The following TMEM201 variants were observed in gnomAD, a reference collection of about 807,000 sequenced individuals.
TMEM201 encodes transmembrane protein 201.
A neutral mutation model predicts 63.4 loss-of-function variants in TMEM201; 26 were observed. That is an observed-to-expected ratio of 0.41 (90% CI 0.30 to 0.57). The LOEUF is 0.57. Ranked by LOEUF, TMEM201 falls within the 20% of genes least tolerant of loss-of-function variation. The probability of loss-of-function intolerance (pLI) is 0.29; values close to 1 mark genes in which losing one functional copy is unlikely to be tolerated. For missense variants in TMEM201, 794 were observed against 917.7 expected, an observed-to-expected ratio of 0.87 and a Z score of 1.74; for synonymous variants, 417 against 421.6, an observed-to-expected ratio of 0.99 and a Z score of 0.14.
chr1:9,609,125 C>T (rs1325333909), intron 7 of TMEM201, among the ~76,000 whole-genome samples: 1 of 152,204 alleles, frequency 6.6e-6, no homozygotes, highest in Non-Finnish European at 1.5e-5. Context: ...GACGGCCTCT[C>T]CCAGCATCCA....
At chr1:9,593,222 C>T (rs1369679416) in intron 1 of TMEM201, among the ~76,000 whole-genome samples, 2 of 152,246 alleles carry the variant, frequency 1.3e-5, no homozygotes, top group African/African-American at 2.4e-5. Flanking sequence ...CCCCCACCTG[C>T]GTGGGGACCT....
In TMEM201 at chr1:9,589,019, T is replaced by C; in HGVS notation, c.89T>C (p.Val30Ala). 2 of 1,163,824 alleles carry C rather than the reference T, an allele frequency of 1.7e-6. No homozygotes were observed. Among genetic ancestry groups the C allele is most frequent in the South Asian group, 2.4e-5 (1 of 42,076 alleles). 72.1% of individuals were successfully genotyped at this position (1,163,824 alleles called of 1,614,324 possible). The change falls in exon 1 of 11, where the codon GTG becomes GCG. Residue 30 changes from valine (V) to alanine (A), a missense_variant. Physicochemically the swap from Val to Ala is moderately conservative, Grantham distance 64. Coordinates refer to ENST00000340381, the MANE Select transcript of TMEM201 (RefSeq NM_001130924.3). ...GTCACGGCGTGCGCCGCGGCCGGCG[T>C]GTTGCTCTACCGGATCGCGCGGAGG... is the stretch of plus-strand genomic sequence containing the variant. The part of the protein sequence containing the change: ...LGVTACAAAG[V>A]LLYRIARRMK...
intron 3 of TMEM201, 141 bp from the exon 4 acceptor site, chr1:9,598,308 G>A (rs1410934621): frequency 5.4e-6 from 5 of 931,202 alleles, no homozygotes; most frequent in Non-Finnish European, 8.2e-6. Context: ...CAGAGGGGAA[G>A]CAGGTTCAAA....
chr1:9,606,185 G>A (rs1412990572), intron 6 of TMEM201: 2 of 152,146 alleles, frequency 1.3e-5, no homozygotes, highest in African/African-American at 4.8e-5. Context: ...TCTGTGTAGA[G>A]GTGGAGCCTT....
intron 1 of TMEM201, among the ~76,000 whole-genome samples, chr1:9,595,107 G>T (rs1569914827): frequency 6.6e-6 from 1 of 152,212 alleles, no homozygotes; most frequent in Non-Finnish European, 1.5e-5. Context: ...CCGGAACTGG[G>T]GGGCTTTTTT....
chr1:9,598,522 A>T lies in TMEM201; in HGVS notation c.503A>T (p.Gln168Leu), dbSNP rs779875615. Residue 168 changes from glutamine (Q) to leucine (L), a missense_variant, in exon 4 of 11, where the codon CAA becomes CTA. Transcript: ENST00000340381. ...EQMYKLCRPC[Q>L]AAVEYYIKHQ... ...ATGTACAAGCTGTGCCGGCCGTGCC[A>T]AGCGGCTGTGGAGTACTACATCAAG... is the stretch of plus-strand genomic sequence containing the variant. 1.2e-6 allele frequency: 2 copies of T among 1,613,980 alleles called. No homozygotes were observed. The highest frequency in any genetic ancestry group is 1.7e-6 in the Non-Finnish European group (2 of 1,180,032).
chr1:9,590,686 G>A (rs1643905417), intron 1 of TMEM201, among the ~76,000 whole-genome samples: 2 of 152,302 alleles, frequency 1.3e-5, no homozygotes, highest in South Asian at 2.1e-4. Flanking sequence ...AGCAGGTCAC[G>A]GTGTGGCATT....
intron 1 of TMEM201, among the ~76,000 whole-genome samples, chr1:9,592,353 G>A (rs917493501): frequency 6.6e-6 from 1 of 152,182 alleles, no homozygotes; most frequent in African/African-American, 2.4e-5. Context: ...CCCGCACTGG[G>A]GCCAGCACAC....
At position 9,603,558 on chromosome 1, in the gene TMEM201, G is replaced by T; in HGVS notation, c.1160+1286G>T. The T allele has an allele frequency of 1.0e-6, 1 of 985,548 alleles. No homozygotes were observed. The highest frequency in any genetic ancestry group is 1.7e-5 in the African/African-American group (1 of 57,362). The allele number at this position is 985,548 out of a possible 1,614,324, so 61.1% of individuals were successfully genotyped here. On this transcript the variant is annotated intron_variant, in intron 6 of 10. Transcript: ENST00000340381. The surrounding 1 kb of genome is among the most constrained non-coding windows in gnomAD (Gnocchi z 4.5). ...TTCACCTTCCAGATGTGGCCAGGGTGTGCCAGCTCCTCTCTCCTGTGCGTT... is the reference window on the plus strand; with the variant it reads ...TTCACCTTCCAGATGTGGCCAGGGTTTGCCAGCTCCTCTCTCCTGTGCGTT...
chr1:9,598,605 G>A lies in TMEM201; in HGVS notation c.586G>A (p.Ala196Thr), dbSNP rs757566221. 6.2e-6 allele frequency: 10 copies of A among 1,613,212 alleles called. No individual in the cohort carries two copies. Among genetic ancestry groups the A allele is most frequent in the Non-Finnish European group, 6.8e-6 (8 of 1,179,916 alleles). The change falls in exon 4 of 11, where the codon GCC becomes ACC. Residue 196 changes from alanine to threonine, a missense_variant. By Grantham distance (58) the Ala-to-Thr change is moderately conservative. Transcript: ENST00000340381. ...CAGCCACCAGTTCAAGCGCCGGGAG[G>A]CCGACCAGACCCACGCACAGGTGAG... Reference protein sequence around the residue: ...LLSHQFKRREADQTHAQNFSS... With the variant: ...LLSHQFKRRETDQTHAQNFSS...
chr1:9,604,338 G>A lies in TMEM201; in HGVS notation c.1160+2066G>A, dbSNP rs967253811. 3.9e-5 allele frequency: 38 copies of A among 985,308 alleles called. No individual in the cohort carries two copies. The highest frequency in any genetic ancestry group is 2.3e-4 in the East Asian group (2 of 8,824). The allele number at this position is 985,308 out of a possible 1,614,324, so 61.0% of individuals were successfully genotyped here. ...CTGCCCTCTGCCGGGGTCCGGAAGC[G>A]ACATCTCAGGAGGTAGCTCTCAGCA... On this transcript the variant is annotated intron_variant, in intron 6 of 10. Coordinates refer to ENST00000340381, the MANE Select transcript of TMEM201 (RefSeq NM_001130924.3). The surrounding 1 kb of genome is among the most constrained non-coding windows in gnomAD (Gnocchi z 4.1).
At position 9,610,963 on chromosome 1, in the gene TMEM201, A is replaced by G; in HGVS notation, c.1765+158A>G. 2.6e-6 allele frequency: 4 copies of G among 1,516,300 alleles called. No homozygotes were observed. The South Asian group carries it at 3.6e-5, about 14-fold the overall frequency. The allele number at this position is 1,516,300 out of a possible 1,614,324, so 93.9% of individuals were successfully genotyped here. A position where few individuals can be genotyped will look rare whatever the true frequency, so the allele number is the denominator to read the frequency against. ...CCCCATTCCGGCTCTGGTGACTTGA[A>G]CCCTCTGGGACATTGACCTCTAATG... is the stretch of plus-strand genomic sequence containing the variant. On this transcript the variant is annotated intron_variant, in intron 9 of 10. Coordinates refer to ENST00000340381, the MANE Select transcript of TMEM201 (RefSeq NM_001130924.3). This position sits in a 1 kb window ranked among gnomAD's most constrained non-coding sequence, Gnocchi z 4.9.
In TMEM201 at chr1:9,607,123, C is replaced by T. The variant is rs1406948825; in HGVS notation, c.1161-434C>T. On this transcript the variant is annotated intron_variant, in intron 6 of 10. Coordinates refer to ENST00000340381, the MANE Select transcript of TMEM201 (RefSeq NM_001130924.3). This position sits in a 1 kb window ranked among gnomAD's most constrained non-coding sequence, Gnocchi z 5.4. ...GGAGATGAGCCAGGATGTCCCTGAGCCCGGCCGCTCTGTGGGAAGGCTCGG... is the reference window on the plus strand; with the variant it reads ...GGAGATGAGCCAGGATGTCCCTGAGTCCGGCCGCTCTGTGGGAAGGCTCGG... Among the ~76,000 whole-genome samples the T allele has an allele frequency of 2.0e-5, 3 of 152,180 alleles. No individual in the cohort carries two copies. Among genetic ancestry groups the T allele is most frequent in the Non-Finnish European group, 4.4e-5 (3 of 68,034 alleles).
chr1:9,592,346 G>T (rs148346193), intron 1 of TMEM201, among the ~76,000 whole-genome samples: 2 of 152,160 alleles, frequency 1.3e-5, no homozygotes, highest in Non-Finnish European at 2.9e-5. Context: ...TTCCAACCCC[G>T]CACTGGGGCC....
Position 9,605,074 on chromosome 1 carries a change from C to G in TMEM201, c.1161-2483C>G, listed in dbSNP as rs1350003284. 3.1e-6 allele frequency: 3 copies of G among 958,724 alleles called. No homozygotes were observed. Among genetic ancestry groups the G allele is most frequent in the Non-Finnish European group, 2.5e-6 (2 of 805,446 alleles). 59.4% of individuals were successfully genotyped at this position (958,724 alleles called of 1,614,324 possible). On this transcript the variant is annotated intron_variant, in intron 6 of 10. Transcript: ENST00000340381. This position sits in a 1 kb window ranked among gnomAD's most constrained non-coding sequence, Gnocchi z 5.7. ...CGTCCACAGGAGTCAGGTTTGGGAG[C>G]CAGTGACAATGACACCAGCTGGCTC...
chr1:9,608,933 C>A lies in TMEM201; in HGVS notation c.1394-907C>A, dbSNP rs1168635357. Among the ~76,000 whole-genome samples the A allele has an allele frequency of 6.6e-6, 1 of 152,086 alleles. No homozygotes were observed. The highest frequency in any genetic ancestry group is 2.1e-4 in the South Asian group (1 of 4,820). On this transcript the variant is annotated intron_variant, in intron 7 of 10. Coordinates refer to ENST00000340381, the MANE Select transcript of TMEM201 (RefSeq NM_001130924.3). The surrounding 1 kb of genome is among the most constrained non-coding windows in gnomAD (Gnocchi z 4.3). Reference sequence around the variant, plus strand: ...TCGGGGGGAGGAGCCCGGTCTCCATCGCCAGAGGGTGGGTCGGGGGCAGGA... The same window carrying A: ...TCGGGGGGAGGAGCCCGGTCTCCATAGCCAGAGGGTGGGTCGGGGGCAGGA...
In TMEM201 at chr1:9,601,270, G is replaced by GCCACACCTGACAATGGCA; in HGVS notation, c.777_794dup (p.Asp261_Pro266dup). 2 of 1,610,734 alleles carry GCCACACCTGACAATGGCA rather than the reference G, an allele frequency of 1.2e-6. No homozygotes were observed. The highest frequency in any genetic ancestry group is 1.7e-6 in the Non-Finnish European group (2 of 1,179,832). ...CCTGCCACCTGGTGGCAATGGCTCAGCCACACCTGACAATGGCACCACCCC... is the reference window on the plus strand; with the variant it reads ...CCTGCCACCTGGTGGCAATGGCTCAGCCACACCTGACAATGGCACCACACCTGACAATGGCACCACCCC... On this transcript the variant is annotated inframe_insertion, in exon 5 of 11. Coordinates refer to ENST00000340381, the MANE Select transcript of TMEM201 (RefSeq NM_001130924.3).
At chr1:9,598,729 TG>T in intron 4 of TMEM201, 104 bp downstream of exon 4, 10 of 1,113,688 alleles carry the variant, frequency 9.0e-6, no homozygotes, top group Non-Finnish European at 1.2e-5. Context: ...TCTTCAGAGC[TG>T]AGCCCCTTTA....
intron 1 of TMEM201, among the ~76,000 whole-genome samples, chr1:9,590,117 G>A (rs1194971768): frequency 6.6e-6 from 1 of 152,228 alleles, no homozygotes; most frequent in Non-Finnish European, 1.5e-5. Context: ...TGTGTCTGGA[G>A]GATGGGCCAG....
Sources: gnomAD v4.1 joint callset for allele counts (sites outside exome capture counted in the v4.1 genomes callset) on GRCh38, gnomAD v4.1.1 for gene constraint, Gnocchi (gnomAD v3.1) non-coding constraint, MANE v1.5 for transcripts, NCBI Gene and HGNC (gene_info 2026-07-23, HGNC 2026-07-21) for gene names.